Variants in ACTG2 observed in about 807,000 individuals in gnomAD.
ACTG2 encodes the protein actin, gamma-enteric smooth muscle.
A neutral mutation model predicts 37.6 loss-of-function variants in ACTG2; 16 were observed. The observed-to-expected ratio is 0.43, with a 90% CI of 0.29 to 0.65. ACTG2 has a LOEUF of 0.65. ACTG2 is among the 30% of genes least tolerant of loss of function. ACTG2 has a pLI of 0.18. For synonymous variants in ACTG2, 181 were observed against 179.9 expected (o/e 1.01, Z -0.05); for missense variants, 238 against 490.9 (o/e 0.48, Z 4.87).
chr2:73,918,893 C>G (rs1218487251), intron 8 of ACTG2, among the ~76,000 whole-genome samples: 1 of 152,156 alleles, frequency 6.6e-6, no homozygotes, highest in Non-Finnish European at 1.5e-5. Flanking sequence ...TCAGCTATTG[C>G]CAAGTAACAA....
chr2:73,912,466 G>A (rs1026746934), intron 5 of ACTG2, among the ~76,000 whole-genome samples: 3 of 152,102 alleles, frequency 2.0e-5, no homozygotes, highest in Non-Finnish European at 4.4e-5. Flanking sequence ...CTTGCACTTC[G>A]TTGCAAACAT....
chr2:73,909,648 A>C (rs534353521), intron 5 of ACTG2, among the ~76,000 whole-genome samples: 1 of 152,196 alleles, frequency 6.6e-6, no homozygotes, highest in Non-Finnish European at 1.5e-5. Context: ...GCATTTAACT[A>C]TAATTAATAC....
intron 3 of ACTG2, among the ~76,000 whole-genome samples, chr2:73,907,928 T>C (rs1680047395): frequency 6.6e-6 from 1 of 152,258 alleles, no homozygotes; most frequent in South Asian, 2.1e-4. Context: ...CCAGTGAAAA[T>C]TGAGCCCAAG....
At chr2:73,898,195 A>G (rs1348621362) in intron 1 of ACTG2, among the ~76,000 whole-genome samples, 1 of 149,376 alleles carries the variant, frequency 6.7e-6, no homozygotes, top group Non-Finnish European at 1.5e-5. Flanking sequence ...ACAGTTCCCC[A>G]AAGTAGTGAC....
At position 73,902,440 on chromosome 2, in the gene ACTG2, A is replaced by G. The variant is rs1679911697; in HGVS notation, c.207A>G (p.Lys69=). 5 of 1,614,038 alleles carry G rather than the reference A, an allele frequency of 3.1e-6. No homozygotes were observed. The highest frequency in any genetic ancestry group is 1.3e-5 in the African/African-American group (1 of 74,988). The change falls in exon 3 of 9, where the codon AAA becomes AAG. Residue 69 remains lysine, a synonymous_variant. Coordinates refer to ENST00000345517, the MANE Select transcript of ACTG2 (RefSeq NM_001615.4). ...AQSKRGILTL[K]YPIEHGIITN... is the part of the protein sequence containing the mutation. ...GCAAGCGAGGGATCCTAACTCTCAA[A>G]TACCCCATTGAACACGGCATCATCA...
At chr2:73,912,725 A>G (rs918000958) in intron 5 of ACTG2, among the ~76,000 whole-genome samples, 1 of 152,176 alleles carries the variant, frequency 6.6e-6, no homozygotes, top group South Asian at 2.1e-4. Context: ...ATAAAACCAC[A>G]TTATCTGCAA....
At chr2:73,898,945 G>A (rs1483590172) in intron 1 of ACTG2, among the ~76,000 whole-genome samples, 2 of 151,552 alleles carry the variant, frequency 1.3e-5, no homozygotes, top group Non-Finnish European at 2.9e-5. Flanking sequence ...TGGGACTACA[G>A]GCGCCCGCCA....
At position 73,898,916 on chromosome 2, in the gene ACTG2, C is replaced by T. The variant is rs1453878756; in HGVS notation, c.-36-2360C>T. On this transcript the variant is annotated intron_variant, in intron 1 of 8. Coordinates refer to ENST00000345517, the MANE Select transcript of ACTG2 (RefSeq NM_001615.4). ...CTCCCGGGTTCACGCCATTCTCCTG[C>T]CTCAGCCTCCCGAGTAGCTGGGACT... 4.0e-5 allele frequency among the ~76,000 whole-genome samples: 6 copies of T among 151,130 alleles called. No individual in the cohort carries two copies. In the East Asian group the frequency reaches 1.2e-3, roughly 30 times the overall value.
intron 3 of ACTG2, among the ~76,000 whole-genome samples, chr2:73,904,777 G>GTGTATATATATA (rs1427483105): frequency 2.5e-3 from 108 of 42,610 alleles, no homozygotes; most frequent in Non-Finnish European, 4.5e-3. Flanking sequence ...GTGTGTGTGT[G>GTGTATATATATA]TATATATATA....
chr2:73,905,189 A>G (rs1038160402), intron 3 of ACTG2, among the ~76,000 whole-genome samples: 1 of 152,138 alleles, frequency 6.6e-6, no homozygotes, highest in African/African-American at 2.4e-5. Context: ...CCCTAAGCTC[A>G]TACCATTTCA....
At chr2:73,918,378 C>T (rs1573477010) in intron 8 of ACTG2, among the ~76,000 whole-genome samples, 1 of 152,314 alleles carries the variant, frequency 6.6e-6, no homozygotes, top group Non-Finnish European at 1.5e-5. Context: ...TGTGCATTCC[C>T]AGTCCTTGAA....
At chr2:73,900,707 A>G (rs1679854630) in intron 1 of ACTG2, among the ~76,000 whole-genome samples, 2 of 152,226 alleles carry the variant, frequency 1.3e-5, no homozygotes, top group Admixed American at 1.3e-4. Context: ...TATAAACTAT[A>G]TGCAAATGCA....
chr2:73,903,795 C>G (rs1410836953), intron 3 of ACTG2, among the ~76,000 whole-genome samples: 2 of 151,966 alleles, frequency 1.3e-5, no homozygotes, highest in African/African-American at 4.8e-5. Context: ...CAAAAATTAG[C>G]TGGACATGGT....
chr2:73,898,134 C>A (rs831544), intron 1 of ACTG2, among the ~76,000 whole-genome samples: 112,590 of 150,870 alleles, frequency 0.75, 42,525 homozygotes, highest in Admixed American at 0.82. Context: ...TGCTGCCAAC[C>A]GCTCTGGAGA....
intron 8 of ACTG2, among the ~76,000 whole-genome samples, chr2:73,918,226 G>A (rs937806107): frequency 3.9e-5 from 6 of 152,168 alleles, no homozygotes; most frequent in Admixed American, 2.0e-4. Flanking sequence ...GGGAACTGGG[G>A]GAGATGAGGC....
chr2:73,915,992 C>T (rs1384787942), intron 7 of ACTG2, among the ~76,000 whole-genome samples: 1 of 152,080 alleles, frequency 6.6e-6, no homozygotes, highest in East Asian at 1.9e-4. Flanking sequence ...TGTGGATATA[C>T]TGAAAATGAC....
At chr2:73,902,231 ATC>A in intron 2 of ACTG2, 127 bp from the exon 3 acceptor site, 1 of 1,083,124 alleles carries the variant, frequency 9.2e-7, no homozygotes, top group South Asian at 1.6e-5. Context: ...GTCTCCTGCT[ATC>A]CTGTTTCTGG....
intron 1 of ACTG2, among the ~76,000 whole-genome samples, chr2:73,893,389 T>TG (rs1458239885): frequency 6.6e-6 from 1 of 152,222 alleles, no homozygotes; most frequent in Non-Finnish European, 1.5e-5. Flanking sequence ...TTAGAATGTC[T>TG]GGGAGGCTGT....
chr2:73,902,512 G>A (rs200820569), intron 3 of ACTG2, 24 bp downstream of exon 3: 47 of 1,613,578 alleles, frequency 2.9e-5, no homozygotes, highest in Admixed American at 5.0e-5. Flanking sequence ...TCCCCTTAAT[G>A]AGCCTGCTTT....
Sources: gnomAD v4.1 joint callset for allele counts (sites outside exome capture counted in the v4.1 genomes callset) on GRCh38, gnomAD v4.1.1 for gene constraint, MANE v1.5 for transcripts, NCBI Gene and HGNC (gene_info 2026-07-23, HGNC 2026-07-21) for gene names.